RP1L1: variants seen among roughly 807,000 people sequenced by gnomAD.
RP1L1 encodes RP1 like 1.
In RP1L1, 27 loss-of-function variants were observed where a neutral mutation model predicts 15.7. The observed-to-expected ratio is 1.72, with a 90% CI of 1.27 to 2.38. The LOEUF (loss-of-function observed/expected upper bound fraction) is 2.38, where lower values mean the gene tolerates loss of function less well. RP1L1 is among the 30% of genes most tolerant of loss of function. The probability of loss-of-function intolerance (pLI) is 0.00; values close to 1 mark genes in which losing one functional copy is unlikely to be tolerated. For synonymous variants in RP1L1, 1,813 were observed against 1,276.7 expected (o/e 1.42, Z -8.96); for missense variants, 4,798 against 3,075.9 (o/e 1.56, Z -13.24).
At position 10,612,109 on chromosome 8, in the gene RP1L1, G is replaced by A. The variant is rs373284948; in HGVS notation, c.1989C>T (p.Gly663=). The A allele has an allele frequency of 6.8e-6, 11 of 1,613,772 alleles. No homozygotes were observed. The highest frequency in any genetic ancestry group is 1.7e-5 in the Admixed American group (1 of 60,034). The change falls in exon 4 of 4, where the codon GGC becomes GGT. Residue 663 remains glycine (G), a synonymous_variant. Transcript: ENST00000382483. The part of the protein sequence containing the change: ...SPGLGRVAPR[G]HPRHSHYRKD... ...TGCGGTAGTGAGAATGCCTGGGATG[G>A]CCTCTCGGGGCCACTCGGCCAAGGC...
chr8:10,633,696 G>C (rs1424676052), intron 1 of RP1L1, among the ~76,000 whole-genome samples: 1 of 152,160 alleles, frequency 6.6e-6, no homozygotes, highest in Non-Finnish European at 1.5e-5. Context: ...CAAACCTCCA[G>C]GGCGTGACTG....
chr8:10,642,323 C>T (rs1798418712), intron 1 of RP1L1, among the ~76,000 whole-genome samples: 1 of 152,038 alleles, frequency 6.6e-6, no homozygotes, highest in Non-Finnish European at 1.5e-5. Flanking sequence ...AACTACTGTC[C>T]CAAATTCCTT....
rs1797725226 is a variant in RP1L1, at chr8:10,607,470, C to T, written c.6628G>A (p.Glu2210Lys). The T allele has an allele frequency of 6.2e-7, 1 of 1,611,520 alleles. No individual in the cohort carries two copies. The highest frequency in any genetic ancestry group is 8.5e-7 in the Non-Finnish European group (1 of 1,178,314). Residue 2210 changes from glutamate (E) to lysine (K), a missense_variant, in exon 4 of 4, where the codon GAA becomes AAA. Physicochemically the swap from Glu to Lys is moderately conservative, Grantham distance 56 (BLOSUM62 1). Transcript: ENST00000382483. ...TCAGCCTCCGGGGCCTCTACACCTTCTAACTCTGGTTGGGCCTCCCCTTCT... is the reference window on the plus strand; with the variant it reads ...TCAGCCTCCGGGGCCTCTACACCTTTTAACTCTGGTTGGGCCTCCCCTTCT... ...EAEGEAQPEL[E>K]GVEAPEAEEE...
At position 10,610,928 on chromosome 8, in the gene RP1L1, T is replaced by C; in HGVS notation, c.3170A>G (p.Glu1057Gly). ...TGGGGCCTCTCTGTCTGCTCCGGCCTCTGCAGGGGCCTCGGAAACTCCCTC... is the reference window on the plus strand; with the variant it reads ...TGGGGCCTCTCTGTCTGCTCCGGCCCCTGCAGGGGCCTCGGAAACTCCCTC... ...APEGVSEAPA[E>G]AGADREAPAG... Residue 1057 changes from glutamate to glycine, a missense_variant, in exon 4 of 4, where the codon GAG (glutamate) becomes GGG (glycine). Physicochemically the swap from Glu to Gly is moderately conservative, Grantham distance 98 (BLOSUM62 -2). Transcript: ENST00000382483. 6.2e-7 allele frequency: 1 copy of C among 1,611,278 alleles called. No homozygotes were observed. The highest frequency in any genetic ancestry group is 1.1e-5 in the South Asian group (1 of 90,900).
In RP1L1 at chr8:10,645,774, C is replaced by T. The variant is rs539021279; in HGVS notation, c.-20+9124G>A. On this transcript the variant is annotated intron_variant, in intron 1 of 3. Coordinates refer to ENST00000382483, the MANE Select transcript of RP1L1 (RefSeq NM_178857.6). ...GGCACCAGTGCAAGCGAGTCCAGCC[C>T]CCCAGAGTCAATTAGACCAGGCAGA... Among the ~76,000 whole-genome samples the T allele has an allele frequency of 3.3e-5, 5 of 152,288 alleles. No homozygotes were observed. In the South Asian group the frequency reaches 6.2e-4, roughly 19 times the overall value.
chr8:10,613,255 G>C lies in RP1L1; in HGVS notation c.843C>G (p.Ser281Arg). ...CAGGAGCAGGGCCCACCGGGGGGTTGCTAGGACCAGGCCTTTCTGGCAGCC... is the reference window on the plus strand; with the variant it reads ...CAGGAGCAGGGCCCACCGGGGGGTTCCTAGGACCAGGCCTTTCTGGCAGCC... ...TPRLPERPGPSNPPVGPAPGR... is the reference protein window; with the variant it reads ...TPRLPERPGPRNPPVGPAPGR... Residue 281 changes from serine to arginine, a missense_variant, in exon 4 of 4, where the codon AGC becomes AGG. Ser to Arg is a moderately radical substitution (Grantham distance 110). Coordinates refer to ENST00000382483, the MANE Select transcript of RP1L1 (RefSeq NM_178857.6). 4 of 1,611,050 alleles carry C rather than the reference G, an allele frequency of 2.5e-6. No homozygotes were observed. The highest frequency in any genetic ancestry group is 1.7e-5 in the Admixed American group (1 of 60,030).
chr8:10,616,957 G>C (rs1201498900), intron 2 of RP1L1, among the ~76,000 whole-genome samples: 1 of 152,166 alleles, frequency 6.6e-6, no homozygotes, highest in African/African-American at 2.4e-5. Flanking sequence ...ACGCCCTCCA[G>C]CTCCCACAGC....
Position 10,608,684 on chromosome 8 carries a change from C to T in RP1L1, c.5414G>A (p.Gly1805Asp), listed in dbSNP as rs770130220. Residue 1805 changes from glycine to aspartate, a missense_variant, in exon 4 of 4, where the codon GGT becomes GAT. Gly to Asp is a moderately conservative substitution (Grantham distance 94). Coordinates refer to ENST00000382483, the MANE Select transcript of RP1L1 (RefSeq NM_178857.6). ...EGISERGETG[G>D]QGSGHEDNLQ... ...GTTGTCCTCATGCCCAGAGCCTTGA[C>T]CCCCAGTTTCTCCCCTTTCACTTAT... 11 of 1,614,060 alleles carry T rather than the reference C, an allele frequency of 6.8e-6. No homozygotes were observed. Among genetic ancestry groups the T allele is most frequent in the Non-Finnish European group, 9.3e-6 (11 of 1,180,044 alleles).
chr8:10,655,034 A>G lies in RP1L1; in HGVS notation c.-156T>C, dbSNP rs1223036086. The G allele has an allele frequency of 6.6e-6, 1 of 152,526 alleles. No individual in the cohort carries two copies. Among genetic ancestry groups the G allele is most frequent in the Non-Finnish European group, 1.5e-5 (1 of 68,062 alleles). The allele number at this position is 152,526 out of a possible 1,614,324, so 9.4% of individuals were successfully genotyped here. On this transcript the variant is annotated 5_prime_UTR_variant, in exon 1 of 4. Transcript: ENST00000382483. Reference sequence around the variant, plus strand: ...GTCCCTCTGGGCAGCAGGGCTGGCCACCCTCCTCCGGACAGTCCTCGGGGC... The same window carrying G: ...GTCCCTCTGGGCAGCAGGGCTGGCCGCCCTCCTCCGGACAGTCCTCGGGGC...
chr8:10,617,454 A>C (rs905631691), intron 2 of RP1L1, among the ~76,000 whole-genome samples: 4 of 149,764 alleles, frequency 2.7e-5, no homozygotes, highest in African/African-American at 7.3e-5. Context: ...TCTCTTCCCC[A>C]AAAAATGTCA....
chr8:10,636,062 T>G (rs1391060044), intron 1 of RP1L1, among the ~76,000 whole-genome samples: 2 of 152,226 alleles, frequency 1.3e-5, no homozygotes, highest in African/African-American at 2.4e-5. Flanking sequence ...TTCTGCAACA[T>G]GCTAAAATGC....
At chr8:10,627,644 G>C (rs6986884) in intron 1 of RP1L1, among the ~76,000 whole-genome samples, 3 of 148,296 alleles carry the variant, frequency 2.0e-5, no homozygotes, top group African/African-American at 7.9e-5. Flanking sequence ...CACAATACGA[G>C]ATATAAAAAA....
chr8:10,619,471 G>A (rs529156537), intron 2 of RP1L1, among the ~76,000 whole-genome samples: 45 of 152,218 alleles, frequency 3.0e-4, no homozygotes, highest in African/African-American at 1.0e-3. Context: ...TCATTCCAGA[G>A]GCAACCCCCC....
At position 10,610,656 on chromosome 8, in the gene RP1L1, G is replaced by C. The variant is rs1387154278; in HGVS notation, c.3442C>G (p.Gln1148Glu). ...TCCTTCGAGATGCTGAGCAGCTCCTGGTACCGAGGGGAGTCTTTGAACCTC... is the reference window on the plus strand; with the variant it reads ...TCCTTCGAGATGCTGAGCAGCTCCTCGTACCGAGGGGAGTCTTTGAACCTC... ...KVRFKDSPRYQELLSISKDLW... is the reference protein window; with the variant it reads ...KVRFKDSPRYEELLSISKDLW... Residue 1148 changes from glutamine (Q) to glutamate (E), a missense_variant, in exon 4 of 4, where the codon CAG becomes GAG. Transcript: ENST00000382483. 9.9e-6 allele frequency: 16 copies of C among 1,612,158 alleles called. No homozygotes were observed. Among genetic ancestry groups the C allele is most frequent in the Middle Eastern group, 1.7e-4 (1 of 6,056 alleles).
Position 10,611,801 on chromosome 8 carries a change from G to GC in RP1L1, c.2296dup (p.Ala766GlyfsTer49). ...GGCCGGCGAGCATGTCCTGGACCCC[G>GC]CGTCCCCTGCCCACCCGGCAGAGGG... On this transcript the variant is annotated frameshift_variant, in exon 4 of 4. Coordinates refer to ENST00000382483, the MANE Select transcript of RP1L1 (RefSeq NM_178857.6). LOFTEE classifies it low-confidence loss of function (END_TRUNC). The GC allele has an allele frequency of 6.2e-7, 1 of 1,613,652 alleles. No homozygotes were observed. The highest frequency in any genetic ancestry group is 8.5e-7 in the Non-Finnish European group (1 of 1,180,010).
At chr8:10,617,547 T>TG (rs1491436093) in intron 2 of RP1L1, among the ~76,000 whole-genome samples, 264 of 4,836 alleles carry the variant, frequency 0.055, 3 homozygotes, top group African/African-American at 0.1. Flanking sequence ...TTTCTTTTTC[T>TG]TTTTTTTTTT....
intron 1 of RP1L1, among the ~76,000 whole-genome samples, chr8:10,629,237 G>T (rs1798204267): frequency 6.6e-6 from 1 of 152,218 alleles, no homozygotes; most frequent in South Asian, 2.1e-4. Context: ...AGCAGCTGCT[G>T]GTGCTGGAGG....
intron 1 of RP1L1, among the ~76,000 whole-genome samples, chr8:10,647,588 G>C (rs961388586): frequency 3.3e-5 from 5 of 152,204 alleles, no homozygotes; most frequent in Admixed American, 3.3e-4. Flanking sequence ...GAATCGTGCA[G>C]TATTTGTCCT....
intron 2 of RP1L1, among the ~76,000 whole-genome samples, chr8:10,620,481 C>G (rs1034133073): frequency 2.0e-5 from 3 of 152,294 alleles, no homozygotes; most frequent in African/African-American, 7.2e-5. Context: ...TGGTGAATGC[C>G]TGTAATCCCA....
Sources: allele counts gnomAD v4.1 joint callset (sites outside exome capture counted in the v4.1 genomes callset), GRCh38; gene constraint gnomAD v4.1.1; transcripts MANE v1.5; gene names NCBI Gene and HGNC (gene_info 2026-07-23, HGNC 2026-07-21).